Variants in PRTG observed in about 807,000 individuals in gnomAD.
PRTG encodes immunoglobulin superfamily, DCC subclass, member 5.
PRTG carries 67 observed loss-of-function variants against 122.5 expected under a neutral mutation model. That is an observed-to-expected ratio of 0.55 (90% confidence interval 0.45 to 0.67). The LOEUF is 0.67. Ranked by LOEUF, PRTG falls within the 30% of genes least tolerant of loss-of-function variation. The pLI is 0.00. For synonymous variants in PRTG, 554 were observed against 501.1 expected (o/e 1.11, Z -1.41); for missense variants, 1,435 against 1,415.4 (o/e 1.01, Z -0.22).
intron 2 of PRTG, among the ~76,000 whole-genome samples, chr15:55,712,612 C>T (rs1383413951): frequency 6.6e-6 from 1 of 152,180 alleles, no homozygotes; most frequent in African/African-American, 2.4e-5. Context: ...TGATTGATAA[C>T]TCAAAGGCCA....
At chr15:55,637,753 C>A (rs1271773217) in intron 14 of PRTG, among the ~76,000 whole-genome samples, 1 of 152,000 alleles carries the variant, frequency 6.6e-6, no homozygotes, top group African/African-American at 2.4e-5. Flanking sequence ...GAAAATGCTC[C>A]TGACATTAAA....
In PRTG at chr15:55,617,437, T is replaced by C. The variant is rs2059146354; in HGVS notation, c.*2575A>G. ...ATCTATTTAACTACAACAATCAATA[T>C]AAACCCTATTGTTTTGGGTTAGTAA... is the stretch of plus-strand genomic sequence containing the variant. On this transcript the variant is annotated 3_prime_UTR_variant, in exon 20 of 20. Transcript: ENST00000389286. 6.6e-6 allele frequency: 1 copy of C among 152,090 alleles called. No homozygotes were observed. The highest frequency in any genetic ancestry group is 1.9e-4 in the East Asian group (1 of 5,200). 9.4% of individuals were successfully genotyped at this position (152,090 alleles called of 1,614,324 possible).
intron 11 of PRTG, among the ~76,000 whole-genome samples, chr15:55,650,687 G>C (rs1040044700): frequency 1.3e-4 from 20 of 152,114 alleles, no homozygotes; most frequent in African/African-American, 4.8e-4. Flanking sequence ...CCAAGTGGCT[G>C]AGCTTGGTGG....
chr15:55,619,907 G>T lies in PRTG; in HGVS notation c.*105C>A. ...ATCAAAGCATAGCATGGCAGATGGCGGCTGCAGAACTAAGGAGGAAGTCTG... is the reference window on the plus strand; with the variant it reads ...ATCAAAGCATAGCATGGCAGATGGCTGCTGCAGAACTAAGGAGGAAGTCTG... On this transcript the variant is annotated 3_prime_UTR_variant, in exon 20 of 20. Coordinates refer to ENST00000389286, the MANE Select transcript of PRTG (RefSeq NM_173814.6). The T allele has an allele frequency of 6.5e-7, 1 of 1,530,046 alleles. No homozygotes were observed. Among genetic ancestry groups the T allele is most frequent in the East Asian group, 2.3e-5 (1 of 44,302 alleles). 94.8% of individuals were successfully genotyped at this position (1,530,046 alleles called of 1,614,324 possible).
rs375255255 is a variant in PRTG, at chr15:55,679,272, G to A, written c.1133+14C>T. ...ATATCATATATAAAATGGTAGCAAAGTTACACAGCCTACCTGTTGTACATT... is the reference window on the plus strand; with the variant it reads ...ATATCATATATAAAATGGTAGCAAAATTACACAGCCTACCTGTTGTACATT... On this transcript the variant is annotated intron_variant, in intron 7 of 19. Transcript: ENST00000389286. 6.3e-7 allele frequency: 1 copy of A among 1,587,816 alleles called. No homozygotes were observed. The highest frequency in any genetic ancestry group is 2.2e-5 in the East Asian group (1 of 44,506).
At chr15:55,731,366 C>CTTTTTTTTTTTTTTTTTTTTTTTTTTTT (rs10658460) in intron 2 of PRTG, among the ~76,000 whole-genome samples, 2 of 103,776 alleles carry the variant, frequency 1.9e-5, no homozygotes, top group Non-Finnish European at 3.7e-5. Context: ...CCTTATCATT[C>CTTTTTTTTTTTTTTTTTTTTTTTTTTTT]TTTTTTTTTT....
At chr15:55,671,467 A>G (rs1464877344) in intron 11 of PRTG, among the ~76,000 whole-genome samples, 11 of 152,186 alleles carry the variant, frequency 7.2e-5, no homozygotes, top group Non-Finnish European at 1.6e-4. Context: ...AGTTTATGTC[A>G]GTTTATAGTT....
At chr15:55,703,300 T>C (rs1401371037) in intron 2 of PRTG, among the ~76,000 whole-genome samples, 3 of 152,180 alleles carry the variant, frequency 2.0e-5, no homozygotes, top group Admixed American at 6.5e-5. Flanking sequence ...CAGTAAATGA[T>C]TTACAATATT....
intron 11 of PRTG, among the ~76,000 whole-genome samples, chr15:55,666,016 T>C (rs1476832828): frequency 1.3e-5 from 2 of 152,180 alleles, no homozygotes; most frequent in African/African-American, 2.4e-5. Context: ...AGTAGCAGAG[T>C]TGAATACTTG....
At chr15:55,690,816 C>G (rs1397435072) in intron 2 of PRTG, among the ~76,000 whole-genome samples, 1 of 152,170 alleles carries the variant, frequency 6.6e-6, no homozygotes, top group Non-Finnish European at 1.5e-5. Flanking sequence ...GAGCACATTA[C>G]ATATTCCAGC....
At chr15:55,631,994 T>A (rs2059230115) in intron 15 of PRTG, among the ~76,000 whole-genome samples, 1 of 152,198 alleles carries the variant, frequency 6.6e-6, no homozygotes, top group Non-Finnish European at 1.5e-5. Flanking sequence ...GTTGGAGAAG[T>A]GCCCCAGGAT....
intron 2 of PRTG, among the ~76,000 whole-genome samples, chr15:55,721,159 T>C (rs564409355): frequency 2.6e-5 from 4 of 152,188 alleles, no homozygotes; most frequent in Admixed American, 1.3e-4. Flanking sequence ...AGTACTGCCA[T>C]TGTAAAATCG....
chr15:55,684,039 A>C (rs2059556757), intron 2 of PRTG, 108 bp from the exon 3 acceptor site: 5 of 843,848 alleles, frequency 5.9e-6, no homozygotes, highest in Middle Eastern at 3.4e-4. Flanking sequence ...CTTGGATATA[A>C]GACCAACCTA....
Position 55,741,400 on chromosome 15 carries a change from A to G in PRTG, c.95-716T>C, listed in dbSNP as rs566957081. 7.9e-5 allele frequency among the ~76,000 whole-genome samples: 12 copies of G among 152,022 alleles called. No homozygotes were observed. The South Asian group carries it at 2.5e-3, about 31-fold the overall frequency. ...CTTTTCTAGAACTACCAACTGTTGG[A>G]AAAAATGCGTGACTAATTGGTCCTT... is the stretch of plus-strand genomic sequence containing the variant. On this transcript the variant is annotated intron_variant, in intron 1 of 19. Transcript: ENST00000389286.
chr15:55,739,640 T>C (rs1263786008), intron 2 of PRTG, among the ~76,000 whole-genome samples: 3 of 152,194 alleles, frequency 2.0e-5, no homozygotes, highest in Admixed American at 1.3e-4. Context: ...TCAGTACTTG[T>C]CCTAGGCCTA....
intron 2 of PRTG, among the ~76,000 whole-genome samples, chr15:55,686,827 C>T (rs1369445800): frequency 6.6e-6 from 1 of 152,206 alleles, no homozygotes; most frequent in African/African-American, 2.4e-5. Flanking sequence ...CCTTCTCTTG[C>T]TAATAACATT....
intron 8 of PRTG, among the ~76,000 whole-genome samples, chr15:55,675,980 A>T (rs2059500447): frequency 6.6e-6 from 1 of 152,194 alleles, no homozygotes; most frequent in African/African-American, 2.4e-5. Context: ...GTAGTAACAT[A>T]ACAGAGCTTA....
rs1376255361 is a variant in PRTG at position 55,638,822 on chromosome 15, A to T, written c.2325-146T>A. On this transcript the variant is annotated intron_variant, in intron 13 of 19. Transcript: ENST00000389286. ...TGAAAAAATGTTTAGACTAAAGAACAATTTAATTGGACTTTAAAAAATACT... is the reference window on the plus strand; with the variant it reads ...TGAAAAAATGTTTAGACTAAAGAACTATTTAATTGGACTTTAAAAAATACT... The T allele has an allele frequency of 7.5e-6, 5 of 670,204 alleles. No homozygotes were observed. The East Asian group carries it at 1.5e-4, about 21-fold the overall frequency. The allele number at this position is 670,204 out of a possible 1,614,324, so 41.5% of individuals were successfully genotyped here. A position where few individuals can be genotyped will look rare whatever the true frequency, so the allele number is the denominator to read the frequency against.
At chr15:55,687,070 G>A (rs1489350060) in intron 2 of PRTG, among the ~76,000 whole-genome samples, 1 of 152,194 alleles carries the variant, frequency 6.6e-6, no homozygotes, top group African/African-American at 2.4e-5. Flanking sequence ...GATACTGCAA[G>A]ACAGTAAACG....
Sources: gnomAD v4.1 joint callset for allele counts (sites outside exome capture counted in the v4.1 genomes callset) on GRCh38, gnomAD v4.1.1 for gene constraint, MANE v1.5 for transcripts, NCBI Gene and HGNC (gene_info 2026-07-23, HGNC 2026-07-21) for gene names.